The following CNTRL variants were observed in gnomAD, a reference collection of about 807,000 sequenced individuals.
The protein encoded by CNTRL is centriolin.
Under a neutral mutation model 303.7 loss-of-function variants are expected in CNTRL, and 233 were observed. The ratio of observed to expected loss-of-function variants is 0.77; its 90% confidence interval spans 0.69 to 0.86. CNTRL has a LOEUF of 0.86. Among genes scored for constraint, CNTRL ranks in the 40% least tolerant of loss-of-function variants. The probability of loss-of-function intolerance (pLI) is 0.00; values close to 1 mark genes in which losing one functional copy is unlikely to be tolerated. For synonymous variants in CNTRL, 900 were observed against 922.2 expected (o/e 0.98, Z 0.44); for missense variants, 2,524 against 2,650.6 (o/e 0.95, Z 1.05).
intron 11 of CNTRL, 25 bp from the exon 12 acceptor site, chr9:121,118,321 A>G (rs753379239): frequency 6.7e-7 from 1 of 1,485,052 alleles, no homozygotes; most frequent in Non-Finnish European, 9.0e-7. Flanking sequence ...TCTGTTAATT[A>G]TATATTGGGG....
At chr9:121,117,093 A>C (rs1292245588) in intron 11 of CNTRL, among the ~76,000 whole-genome samples, 1 of 152,254 alleles carries the variant, frequency 6.6e-6, no homozygotes, top group Non-Finnish European at 1.5e-5. Context: ...ATTAATAATA[A>C]AGTTAATAGC....
intron 4 of CNTRL, among the ~76,000 whole-genome samples, chr9:121,092,916 C>T (rs1385549804): frequency 1.4e-5 from 2 of 146,284 alleles, no homozygotes; most frequent in African/African-American, 5.1e-5. Flanking sequence ...AAGGGATTTT[C>T]CTGCCTTAGC....
Position 121,142,352 on chromosome 9 carries a change from G to A in CNTRL, c.2871+82G>A, listed in dbSNP as rs972959705. On this transcript the variant is annotated intron_variant, in intron 19 of 43. Transcript: ENST00000373855. Reference sequence around the variant, plus strand: ...CTGGCAACTAGGTCAGCTGAGATGGGTGTGATCTGTAGTCACCTCTGGCTG... The same window carrying A: ...CTGGCAACTAGGTCAGCTGAGATGGATGTGATCTGTAGTCACCTCTGGCTG... 3.9e-6 allele frequency: 5 copies of A among 1,265,938 alleles called. No individual in the cohort carries two copies. The East Asian group carries it at 9.8e-5, about 25-fold the overall frequency. The allele number at this position is 1,265,938 out of a possible 1,614,324, so 78.4% of individuals were successfully genotyped here. A position where few individuals can be genotyped will look rare whatever the true frequency, so the allele number is the denominator to read the frequency against.
intron 16 of CNTRL, among the ~76,000 whole-genome samples, chr9:121,138,986 G>A (rs192926871): frequency 6.6e-6 from 1 of 152,186 alleles, no homozygotes; most frequent in African/African-American, 2.4e-5. Flanking sequence ...TCTAAAAGCA[G>A]ATTTGTCACC....
At chr9:121,094,687 G>A (rs868340423) in intron 4 of CNTRL, among the ~76,000 whole-genome samples, 1 of 152,136 alleles carries the variant, frequency 6.6e-6, no homozygotes, top group African/African-American at 2.4e-5. Context: ...GTCAACTGAA[G>A]GGCAAAGAGA....
intron 25 of CNTRL, among the ~76,000 whole-genome samples, chr9:121,151,387 C>CTTTTTTTTTTTTTT (rs71370632): frequency 5.5e-5 from 5 of 90,424 alleles, no homozygotes; most frequent in African/African-American, 8.2e-5. Flanking sequence ...TTTTCTTCTT[C>CTTTTTTTTTTTTTT]TTTTTTTTTT....
At chr9:121,132,707 A>G (rs930709663) in intron 14 of CNTRL, among the ~76,000 whole-genome samples, 4 of 152,184 alleles carry the variant, frequency 2.6e-5, no homozygotes, top group Non-Finnish European at 5.9e-5. Context: ...TTGGAGGAGA[A>G]GAGGCGCTCG....
chr9:121,138,711 A>G (rs534184210), intron 16 of CNTRL, 32 bp downstream of exon 16: 67 of 1,605,948 alleles, frequency 4.2e-5, no homozygotes, highest in Admixed American at 8.4e-5. Flanking sequence ...ATACATTCTT[A>G]CACAGAACAC....
At chr9:121,134,151 G>A (rs1467995200) in intron 14 of CNTRL, among the ~76,000 whole-genome samples, 1 of 151,796 alleles carries the variant, frequency 6.6e-6, no homozygotes, top group Non-Finnish European at 1.5e-5. Context: ...TTTTTCCTTT[G>A]CTCATTAGAA....
intron 40 of CNTRL, 95 bp from the exon 41 acceptor site, chr9:121,173,148 T>A: frequency 8.9e-7 from 1 of 1,128,430 alleles, no homozygotes; most frequent in Non-Finnish European, 1.2e-6. Flanking sequence ...TAGTTGATAT[T>A]TATAGATCTT....
chr9:121,143,503 A>T (rs1034636620), intron 19 of CNTRL, among the ~76,000 whole-genome samples: 1 of 152,180 alleles, frequency 6.6e-6, no homozygotes, highest in Non-Finnish European at 1.5e-5. Context: ...TACGAGGCCT[A>T]CATGATTTGC....
chr9:121,076,968 A>G (rs1200228891), intron 1 of CNTRL, among the ~76,000 whole-genome samples: 1 of 152,086 alleles, frequency 6.6e-6, no homozygotes, highest in African/African-American at 2.4e-5. Flanking sequence ...AGAGAGACAG[A>G]AGGAGGTCTG....
chr9:121,160,716 A>G (rs1228369591), intron 32 of CNTRL, among the ~76,000 whole-genome samples: 1 of 152,218 alleles, frequency 6.6e-6, no homozygotes, highest in Non-Finnish European at 1.5e-5. Flanking sequence ...GTGGTGGTTC[A>G]TGCCTATAAT....
intron 8 of CNTRL, among the ~76,000 whole-genome samples, chr9:121,110,406 G>T (rs936847090): frequency 6.6e-6 from 1 of 152,032 alleles, no homozygotes; most frequent in African/African-American, 2.4e-5. Flanking sequence ...TAAGAATAAT[G>T]CCAATACTAA....
intron 14 of CNTRL, among the ~76,000 whole-genome samples, chr9:121,132,196 G>C (rs2050903783): frequency 6.6e-6 from 1 of 152,204 alleles, no homozygotes; most frequent in African/African-American, 2.4e-5. Flanking sequence ...GGTTAGGGAA[G>C]TTCTCCTGGA....
At chr9:121,083,163 A>G (rs1037497367) in intron 2 of CNTRL, among the ~76,000 whole-genome samples, 1 of 152,122 alleles carries the variant, frequency 6.6e-6, no homozygotes, top group Admixed American at 6.6e-5. Flanking sequence ...AACACTGTAC[A>G]CTTAGGCTAC....
chr9:121,143,222 G>T (rs149938931), intron 19 of CNTRL, among the ~76,000 whole-genome samples: 1 of 152,242 alleles, frequency 6.6e-6, no homozygotes, highest in Non-Finnish European at 1.5e-5. Context: ...CCTTCCCTGA[G>T]AACTCTTCAG....
rs953856406 is a variant in CNTRL, at chr9:121,107,581, G to A, written c.809-221G>A. Among the ~76,000 whole-genome samples the A allele has an allele frequency of 5.9e-5, 9 of 152,304 alleles. No homozygotes were observed. In the East Asian group the frequency reaches 1.5e-3, roughly 26 times the overall value. On this transcript the variant is annotated intron_variant, in intron 7 of 43. Transcript: ENST00000373855. ...CACTAATTGGATTAAATACTTGGAA[G>A]TAAAGTATTATCTTTTAAAAATATC...
At chr9:121,138,335 T>C (rs1372586345) in intron 15 of CNTRL, among the ~76,000 whole-genome samples, 4 of 152,218 alleles carry the variant, frequency 2.6e-5, no homozygotes, top group Admixed American at 2.6e-4. Context: ...CTGATTCTGA[T>C]GCTTACTCCT....
Sources: allele counts gnomAD v4.1 joint callset (sites outside exome capture counted in the v4.1 genomes callset), GRCh38; gene constraint gnomAD v4.1.1; transcripts MANE v1.5; gene names NCBI Gene and HGNC (gene_info 2026-07-23, HGNC 2026-07-21).